Variants in MTCL1 observed in about 807,000 individuals in gnomAD.
MTCL1 encodes the protein microtubule crosslinking factor 1.
MTCL1 carries 79 observed loss-of-function variants against 141.4 expected under a neutral mutation model. The ratio of observed to expected loss-of-function variants is 0.56; its 90% CI spans 0.47 to 0.67. MTCL1 has a LOEUF of 0.67. MTCL1 is among the 30% of genes least tolerant of loss of function. MTCL1 has a pLI of 0.00. For missense variants in MTCL1, 2,177 were observed against 2,113.9 expected, an observed-to-expected ratio of 1.03 and a Z score of -0.59; for synonymous variants, 914 against 875.8, an observed-to-expected ratio of 1.04 and a Z score of -0.77.
chr18:8,781,179 CAAAAAAAAAAAAA>C (rs56370900), intron 5 of MTCL1, among the ~76,000 whole-genome samples: 138 of 67,408 alleles, frequency 2.0e-3, no homozygotes, highest in African/African-American at 7.3e-3. Context: ...GACTCCATCT[CAAAAAAAAAAAAA>C]AAAAAAAAAA....
At chr18:8,826,103 C>T (rs1568115497) in exon 15 of MTCL1, 1 of 1,612,188 alleles carries the variant, frequency 6.2e-7, no homozygotes, top group Non-Finnish European at 8.5e-7. Flanking sequence ...AGAACGTGGC[C>T]CGGATCCTCA....
chr18:8,748,790 C>G (rs1177781056), intron 4 of MTCL1, among the ~76,000 whole-genome samples: 1 of 152,028 alleles, frequency 6.6e-6, no homozygotes, highest in South Asian at 2.1e-4. Context: ...GATGAAGTCA[C>G]TGGATTGAGG....
rs759793863 is a variant in MTCL1, at chr18:8,786,013, C to A, written c.1809C>A (p.Ala603=). The A allele has an allele frequency of 3.8e-6, 6 of 1,583,716 alleles. No homozygotes were observed. The African/African-American group carries it at 8.1e-5, about 21-fold the overall frequency. Residue 603 remains alanine (A), a synonymous_variant, in exon 7 of 17, where the codon GCC becomes GCA. Transcript: ENST00000359865. ...AGCGGGAGAGCCTGCGCCTCCGAGC[C>A]GCGCGGGAGCTGCACCGCCGCGCAG...
intron 12 of MTCL1, among the ~76,000 whole-genome samples, chr18:8,816,455 A>G (rs1256151555): frequency 6.6e-6 from 1 of 152,236 alleles, no homozygotes; most frequent in East Asian, 1.9e-4. Context: ...CTAAGGTCAT[A>G]TAACACATTT....
At position 8,830,634 on chromosome 18, in the gene MTCL1, C is replaced by T. The variant is rs2077166234; in HGVS notation, c.*19-973C>T. On this transcript the variant is annotated intron_variant, in intron 16 of 16. Transcript: ENST00000359865. The surrounding 1 kb of genome is among the most constrained non-coding windows in gnomAD (Gnocchi z 6.4). The stretch of plus-strand genomic sequence containing the variant: ...AACTCACTTCCTTTCTTTGAGGGTC[C>T]TTGTTCTCTGTCATCCTTCCTGTGC... 13 of 985,628 alleles carry T rather than the reference C, an allele frequency of 1.3e-5. No individual in the cohort carries two copies. The South Asian group carries it at 5.2e-4, about 39-fold the overall frequency. The allele number at this position is 985,628 out of a possible 1,614,324, so 61.1% of individuals were successfully genotyped here. A position where few individuals can be genotyped will look rare whatever the true frequency, so the allele number is the denominator to read the frequency against.
intron 11 of MTCL1, chr18:8,809,616 A>C: frequency 6.5e-7 from 1 of 1,531,564 alleles, no homozygotes; most frequent in Non-Finnish European, 8.7e-7. Context: ...AGTGGAGGGC[A>C]CACACCTGAA....
chr18:8,827,915 T>G (rs2077077193), intron 15 of MTCL1, among the ~76,000 whole-genome samples: 1 of 152,148 alleles, frequency 6.6e-6, no homozygotes, highest in South Asian at 2.1e-4. Flanking sequence ...AAGTATTCAT[T>G]TAGATTTTCT....
chr18:8,809,686 G>A, intron 11 of MTCL1: 1 of 1,420,572 alleles, frequency 7.0e-7, no homozygotes, highest in Non-Finnish European at 9.4e-7. Context: ...ACGCCGTGGA[G>A]CAACAGGCAC....
chr18:8,756,535 A>G (rs2096402323), intron 4 of MTCL1, among the ~76,000 whole-genome samples: 1 of 149,920 alleles, frequency 6.7e-6, no homozygotes, highest in African/African-American at 2.5e-5. Flanking sequence ...ATGTGTGTGT[A>G]TATATGTGTA....
Position 8,830,882 on chromosome 18 carries a change from AT to A in MTCL1, c.*19-724del. On this transcript the variant is annotated intron_variant, in intron 16 of 16. Transcript: ENST00000359865. The surrounding 1 kb of genome is among the most constrained non-coding windows in gnomAD (Gnocchi z 6.4). Reference sequence around the variant, plus strand: ...AATAAGGATTCTAGGTGATTTGCACATGGTTGAGTGTGTCTTGCATCACCTG... The same window carrying A: ...AATAAGGATTCTAGGTGATTTGCACAGGTTGAGTGTGTCTTGCATCACCTG... 1 of 985,522 alleles carries A rather than the reference AT, an allele frequency of 1.0e-6. No individual in the cohort carries two copies. Among genetic ancestry groups the A allele is most frequent in the Non-Finnish European group, 1.2e-6 (1 of 829,956 alleles). The allele number at this position is 985,522 out of a possible 1,614,324, so 61.0% of individuals were successfully genotyped here.
intron 4 of MTCL1, among the ~76,000 whole-genome samples, chr18:8,767,895 A>G (rs2096466741): frequency 6.6e-6 from 1 of 152,246 alleles, no homozygotes; most frequent in South Asian, 2.1e-4. Flanking sequence ...AAACATTTCC[A>G]AGACAAAAAT....
intron 15 of MTCL1, 98 bp downstream of exon 14, chr18:8,826,330 C>T (rs2077026067): frequency 8.6e-7 from 1 of 1,156,746 alleles, no homozygotes; most frequent in Non-Finnish European, 1.2e-6. Context: ...CATTTGATCT[C>T]AGGAATCGTC....
rs2076845284 is a variant in MTCL1 at position 8,821,520 on chromosome 18, A to T, written c.3188+22A>T. The T allele has an allele frequency of 3.2e-6, 4 of 1,255,700 alleles. No individual in the cohort carries two copies. The East Asian group carries it at 9.6e-5, about 30-fold the overall frequency. The allele number at this position is 1,255,700 out of a possible 1,614,324, so 77.8% of individuals were successfully genotyped here. On this transcript the variant is annotated intron_variant, in intron 14 of 16. Transcript: ENST00000359865. ...AAAGGTAAGTAAGATTGATGAAAATAATAGATTACTAGAATAAAAATGTCT... is the reference window on the plus strand; with the variant it reads ...AAAGGTAAGTAAGATTGATGAAAATTATAGATTACTAGAATAAAAATGTCT...
At chr18:8,793,170 C>T (rs1335581675) in intron 8 of MTCL1, 50 bp downstream of exon 7, 2 of 1,603,770 alleles carry the variant, frequency 1.2e-6, no homozygotes, top group Non-Finnish European at 1.7e-6. Flanking sequence ...ACTGCAGAGC[C>T]CCAAAGGAGA....
At chr18:8,792,237 C>T (rs139278881) in intron 7 of MTCL1, among the ~76,000 whole-genome samples, 3 of 152,320 alleles carry the variant, frequency 2.0e-5, no homozygotes, top group Non-Finnish European at 2.9e-5. Flanking sequence ...AGATTTTTAG[C>T]ATAAGAGTGT....
At chr18:8,802,931 C>A (rs1433802891) in intron 10 of MTCL1, among the ~76,000 whole-genome samples, 2 of 152,176 alleles carry the variant, frequency 1.3e-5, no homozygotes, top group East Asian at 3.9e-4. Context: ...AGAAGACTTG[C>A]ATCATAAAGA....
intron 3 of MTCL1, 57 bp downstream of exon 2, chr18:8,718,705 A>C: frequency 6.6e-7 from 1 of 1,514,304 alleles, no homozygotes; most frequent in Non-Finnish European, 9.2e-7. Context: ...GGCTGGCCAC[A>C]TGCACGTTGC....
rs1598333563 is a variant in MTCL1, at chr18:8,705,990, G to A, written c.330G>A (p.Lys110=). ...GCGGCGTCCCGGGCGCGAAGGACAA[G>A]CCCCCGCCGGGCGCCGGGGCCAGAG... The change falls in exon 1 of 14, where the codon AAG becomes AAA. Residue 110 remains lysine, a synonymous_variant. Transcript: ENST00000306329. The surrounding 1 kb of genome is among the most constrained non-coding windows in gnomAD (Gnocchi z 5.2). 1.7e-6 allele frequency: 2 copies of A among 1,145,794 alleles called. No homozygotes were observed. Among genetic ancestry groups the A allele is most frequent in the East Asian group, 4.4e-5 (1 of 22,652 alleles). 71.0% of individuals were successfully genotyped at this position (1,145,794 alleles called of 1,614,324 possible).
chr18:8,719,566 T>A (rs926310062), intron 3 of MTCL1, among the ~76,000 whole-genome samples: 11 of 152,118 alleles, frequency 7.2e-5, no homozygotes, highest in East Asian at 3.8e-4. Context: ...AGAATTTTTT[T>A]TTATTATTAT....
Sources: gnomAD v4.1 joint callset for allele counts (sites outside exome capture counted in the v4.1 genomes callset) on GRCh38, gnomAD v4.1.1 for gene constraint, Gnocchi (gnomAD v3.1) non-coding constraint, MANE v1.5 for transcripts, NCBI Gene and HGNC (gene_info 2026-07-23, HGNC 2026-07-21) for gene names.